NWD1: variants seen among roughly 807,000 people sequenced by gnomAD.
NWD1 encodes the protein NACHT domain- and WD repeat-containing protein 1.
Under a neutral mutation model 135.1 loss-of-function variants are expected in NWD1, and 129 were observed. That is an observed-to-expected ratio of 0.96 (90% CI 0.83 to 1.11). NWD1 has a LOEUF of 1.11. NWD1 is among the 50% of genes least tolerant of loss of function. The pLI is 0.00. For synonymous variants in NWD1, 773 were observed against 786.0 expected, an observed-to-expected ratio of 0.98 and a Z score of 0.28; for missense variants, 1,740 against 1,851.3, an observed-to-expected ratio of 0.94 and a Z score of 1.10.
At chr19:16,771,800 C>T (rs928669683) in intron 10 of NWD1, among the ~76,000 whole-genome samples, 1 of 150,894 alleles carries the variant, frequency 6.6e-6, no homozygotes, top group Non-Finnish European at 1.5e-5. Context: ...TTCAACATAA[C>T]ATCCTAAATG....
At chr19:16,776,773 TAAAAAAAAAA>T (rs554653148) in intron 11 of NWD1, among the ~76,000 whole-genome samples, 2 of 66,476 alleles carry the variant, frequency 3.0e-5, no homozygotes, top group South Asian at 9.6e-4. Context: ...TACAAAAAGT[TAAAAAAAAAA>T]AAAAAAAAAA....
At position 16,816,714 on chromosome 19, in the gene NWD1, C is replaced by T. The variant is rs1344621519; in HGVS notation, c.*1675C>T. 1 of 152,128 alleles carries T rather than the reference C, an allele frequency of 6.6e-6. No individual in the cohort carries two copies. The highest frequency in any genetic ancestry group is 6.6e-5 in the Admixed American group (1 of 15,256). 9.4% of individuals were successfully genotyped at this position (152,128 alleles called of 1,614,324 possible). ...ATCTTCAAGGTGGCTATCCCTTCTC[C>T]CCTCCGTGGAATTCCTGATAGAGTC... On this transcript the variant is annotated 3_prime_UTR_variant, in exon 19 of 19. Transcript: ENST00000524140.
chr19:16,761,926 C>A, intron 7 of NWD1, 53 bp from the exon 8 acceptor site: 2 of 1,524,726 alleles, frequency 1.3e-6, no homozygotes, highest in Non-Finnish European at 9.0e-7. Flanking sequence ...AAGCAGCCAC[C>A]TTTGAGCTTG....
At chr19:16,747,035 C>G (rs1599456519) in intron 5 of NWD1, among the ~76,000 whole-genome samples, 1 of 131,020 alleles carries the variant, frequency 7.6e-6, no homozygotes, top group South Asian at 2.4e-4. Context: ...TTTTCTTTTT[C>G]TTTCTTTTTT....
intron 1 of NWD1, among the ~76,000 whole-genome samples, chr19:16,723,521 C>T (rs116747763): frequency 0.021 from 3,136 of 151,922 alleles, 126 homozygotes; most frequent in African/African-American, 0.072. Flanking sequence ...CCTGTGTTGC[C>T]CAGGCTGGTC....
intron 2 of NWD1, among the ~76,000 whole-genome samples, chr19:16,729,122 G>A (rs1053302945): frequency 3.2e-4 from 48 of 151,856 alleles, no homozygotes; most frequent in African/African-American, 1.2e-3. Flanking sequence ...TTTCCTCCTC[G>A]AGAAGCCAGA....
intron 11 of NWD1, among the ~76,000 whole-genome samples, chr19:16,776,895 T>C (rs529913640): frequency 1.6e-4 from 23 of 141,444 alleles, no homozygotes; most frequent in Admixed American, 1.4e-3. Context: ...TGAGCTGTGA[T>C]TGTGGCACTG....
rs537379439 is a variant in NWD1, at chr19:16,798,126, C to A, written c.3459+240C>A. 5.3e-5 allele frequency among the ~76,000 whole-genome samples: 8 copies of A among 152,170 alleles called. No homozygotes were observed. The East Asian group carries it at 1.5e-3, about 29-fold the overall frequency. On this transcript the variant is annotated intron_variant, in intron 16 of 18. Coordinates refer to ENST00000524140, the MANE Select transcript of NWD1 (RefSeq NM_001007525.5). ...CAAACTGATCCTCAAACCTTGGGGG[C>A]AGATTTGTGCCTTCAGAGTGGAGCA...
At chr19:16,780,761 A>G (rs1321477648) in intron 12 of NWD1, among the ~76,000 whole-genome samples, 1 of 151,792 alleles carries the variant, frequency 6.6e-6, no homozygotes. Flanking sequence ...GGGCTCAAGC[A>G]ATCCTCCCAT....
rs963453075 is a variant in NWD1, at chr19:16,767,982, CTTTTTTTTTTT to C, written c.2410+2805_2410+2815del. 1.2e-4 allele frequency among the ~76,000 whole-genome samples: 10 copies of C among 83,598 alleles called. No individual in the cohort carries two copies. The East Asian group carries it at 1.5e-3, about 12-fold the overall frequency. 54.8% of individuals were successfully genotyped at this position (83,598 alleles called of 152,430 possible). A position where few individuals can be genotyped will look rare whatever the true frequency, so the allele number is the denominator to read the frequency against. ...TGTAGCATATGTCAGAATTTCCTTC[CTTTTTTTTTTT>C]TTTTTTTTTTTTTTGCACGACAGAG... is the stretch of plus-strand genomic sequence containing the variant. On this transcript the variant is annotated intron_variant, in intron 10 of 18. Coordinates refer to ENST00000524140, the MANE Select transcript of NWD1 (RefSeq NM_001007525.5).
chr19:16,797,704 G>A (rs369400102), intron 15 of NWD1, 28 bp from the exon 16 acceptor site: 2 of 1,606,592 alleles, frequency 1.2e-6, no homozygotes, highest in Admixed American at 1.7e-5. Flanking sequence ...GGACATGAGA[G>A]GTGTAACCCC....
intron 17 of NWD1, among the ~76,000 whole-genome samples, chr19:16,805,336 G>A (rs1169148627): frequency 6.6e-6 from 1 of 152,062 alleles, no homozygotes; most frequent in East Asian, 1.9e-4. Flanking sequence ...TAGGATTACA[G>A]GTGTGCACCA....
At chr19:16,736,209 T>TTTCCCTCCTTCCTTCC (rs1967807013) in intron 3 of NWD1, among the ~76,000 whole-genome samples, 1 of 117,034 alleles carries the variant, frequency 8.5e-6, no homozygotes, top group African/African-American at 3.6e-5. Context: ...TCCTTCCTTC[T>TTTCCCTCCTTCCTTCC]TTCCTTCCTT....
intron 12 of NWD1, among the ~76,000 whole-genome samples, chr19:16,786,601 T>C (rs1970048568): frequency 6.6e-6 from 1 of 151,838 alleles, no homozygotes; most frequent in South Asian, 2.1e-4. Flanking sequence ...GGCTGGAGTG[T>C]AGTGGTCCAG....
rs1971083390 is a variant in NWD1 at position 16,816,987 on chromosome 19, C to T, written c.*1948C>T. ...TGCAAAAAGTAACTGTGGTTTTCGCCATTAAAAATATTAAAAATAATGGCA... is the reference window on the plus strand; with the variant it reads ...TGCAAAAAGTAACTGTGGTTTTCGCTATTAAAAATATTAAAAATAATGGCA... On this transcript the variant is annotated 3_prime_UTR_variant, in exon 19 of 19. Coordinates refer to ENST00000524140, the MANE Select transcript of NWD1 (RefSeq NM_001007525.5). The T allele has an allele frequency of 6.6e-6, 1 of 152,114 alleles. No individual in the cohort carries two copies. The highest frequency in any genetic ancestry group is 1.5e-5 in the Non-Finnish European group (1 of 68,030). The allele number at this position is 152,114 out of a possible 1,614,324, so 9.4% of individuals were successfully genotyped here. A position where few individuals can be genotyped will look rare whatever the true frequency, so the allele number is the denominator to read the frequency against.
chr19:16,732,311 G>A (rs976684467), intron 3 of NWD1, among the ~76,000 whole-genome samples: 41 of 151,852 alleles, frequency 2.7e-4, no homozygotes, highest in African/African-American at 7.5e-4. Flanking sequence ...GAGTAGGAGT[G>A]AATGCTTTTG....
chr19:16,723,232 T>A (rs932679374), intron 1 of NWD1, among the ~76,000 whole-genome samples: 5 of 152,106 alleles, frequency 3.3e-5, no homozygotes, highest in African/African-American at 1.2e-4. Context: ...AGGGTCTCGC[T>A]CTGTTGTCCA....
At chr19:16,727,103 A>T (rs1967359402) in intron 2 of NWD1, among the ~76,000 whole-genome samples, 1 of 152,082 alleles carries the variant, frequency 6.6e-6, no homozygotes, top group Non-Finnish European at 1.5e-5. Context: ...TCCTCTGCAC[A>T]CCTGGGCTCA....
chr19:16,724,160 AG>A (rs1967239657), intron 1 of NWD1, among the ~76,000 whole-genome samples: 1 of 152,220 alleles, frequency 6.6e-6, no homozygotes, highest in Non-Finnish European at 1.5e-5. Flanking sequence ...TTGAAAATAC[AG>A]TTGACCCAGT....
Sources: gnomAD v4.1 joint callset for allele counts (sites outside exome capture counted in the v4.1 genomes callset) on GRCh38, gnomAD v4.1.1 for gene constraint, MANE v1.5 for transcripts, NCBI Gene and HGNC (gene_info 2026-07-23, HGNC 2026-07-21) for gene names.